Variants in TRDN observed in about 807,000 individuals in gnomAD.
TRDN encodes triadin in skeletal muscle.
TRDN carries 161 observed loss-of-function variants against 149.7 expected under a neutral mutation model. The ratio of observed to expected loss-of-function variants is 1.08; its 90% CI spans 0.95 to 1.23. The LOEUF (loss-of-function observed/expected upper bound fraction) is 1.23. Ranked by LOEUF, TRDN falls within the 50% of genes most tolerant of loss-of-function variation. TRDN has a pLI of 0.00. For missense variants in TRDN, 896 were observed against 823.5 expected, an observed-to-expected ratio of 1.09 and a Z score of -1.08; for synonymous variants, 294 against 250.5, an observed-to-expected ratio of 1.17 and a Z score of -1.64.
chr6:123,622,307 A>C (rs967502031), intron 1 of TRDN, among the ~76,000 whole-genome samples: 1 of 135,222 alleles, frequency 7.4e-6, no homozygotes, highest in Non-Finnish European at 1.5e-5. Flanking sequence ...CTCTCTCTAT[A>C]TATATATACA....
intron 21 of TRDN, chr6:123,350,301 A>T (rs1171742713): frequency 1.1e-6 from 1 of 948,886 alleles, no homozygotes; most frequent in African/African-American, 1.8e-5. Context: ...GAATATCCAT[A>T]GTATTTAAGT....
chr6:123,221,998 C>CT (rs1361782108), intron 39 of TRDN, among the ~76,000 whole-genome samples: 1 of 151,728 alleles, frequency 6.6e-6, no homozygotes, highest in African/African-American at 2.4e-5. Context: ...GCATTCTTCC[C>CT]TTTTCACGTC....
At chr6:123,590,394 A>G (rs958923844) in intron 1 of TRDN, among the ~76,000 whole-genome samples, 2 of 152,170 alleles carry the variant, frequency 1.3e-5, no homozygotes, top group African/African-American at 4.8e-5. Context: ...GTTACAGGGA[A>G]CACACTTCAG....
At chr6:123,509,722 A>C (rs1437288846) in intron 7 of TRDN, 2 of 152,166 alleles carry the variant, frequency 1.3e-5, no homozygotes, top group African/African-American at 4.8e-5. Flanking sequence ...AGAAACTGTG[A>C]GATAATAAAT....
chr6:123,346,778 T>C (rs916644634), intron 21 of TRDN, among the ~76,000 whole-genome samples: 6 of 151,944 alleles, frequency 3.9e-5, no homozygotes, highest in Non-Finnish European at 8.8e-5. Context: ...TAAGGAAGAT[T>C]GTGTGGAGTT....
intron 9 of TRDN, among the ~76,000 whole-genome samples, chr6:123,482,566 T>C (rs9482395): frequency 0.039 from 5,905 of 152,270 alleles, 332 homozygotes; most frequent in African/African-American, 0.12. Flanking sequence ...TAATATTCCT[T>C]TGGGAGAAAA....
intron 12 of TRDN, among the ~76,000 whole-genome samples, chr6:123,433,424 T>A (rs1408458247): frequency 6.6e-6 from 1 of 151,908 alleles, no homozygotes. Flanking sequence ...AACTGTAAGC[T>A]CCATTAGGGC....
At chr6:123,611,207 G>A (rs1784793435) in intron 1 of TRDN, among the ~76,000 whole-genome samples, 1 of 152,054 alleles carries the variant, frequency 6.6e-6, no homozygotes, top group Admixed American at 6.6e-5. Context: ...AAACCTCAAT[G>A]TATAAAAATA....
chr6:123,569,431 C>T (rs1782449423), intron 2 of TRDN, among the ~76,000 whole-genome samples: 1 of 152,174 alleles, frequency 6.6e-6, no homozygotes, highest in Non-Finnish European at 1.5e-5. Context: ...CAAGTTGCTT[C>T]CACATTTTCT....
intron 1 of TRDN, among the ~76,000 whole-genome samples, chr6:123,619,881 G>T (rs939752998): frequency 2.0e-5 from 3 of 152,120 alleles, no homozygotes; most frequent in Non-Finnish European, 4.4e-5. Flanking sequence ...GAACCCTGCA[G>T]GTCCAGAGAA....
At chr6:123,357,940 G>A (rs957789065) in intron 20 of TRDN, among the ~76,000 whole-genome samples, 11 of 152,162 alleles carry the variant, frequency 7.2e-5, no homozygotes, top group Non-Finnish European at 1.3e-4. Context: ...ATACAGAAAA[G>A]ATAACATTTC....
At chr6:123,260,241 G>A (rs926178421) in intron 34 of TRDN, among the ~76,000 whole-genome samples, 2 of 151,950 alleles carry the variant, frequency 1.3e-5, no homozygotes, top group African/African-American at 2.4e-5. Flanking sequence ...CTGGCATGAT[G>A]GATTCATAAG....
At chr6:123,467,296 A>G (rs186202780) in intron 9 of TRDN, among the ~76,000 whole-genome samples, 63 of 151,036 alleles carry the variant, frequency 4.2e-4, no homozygotes, top group African/African-American at 1.4e-3. Flanking sequence ...GAGGGATTCC[A>G]GGTGGAAGGT....
chr6:123,403,693 A>C (rs1053409951), intron 12 of TRDN, among the ~76,000 whole-genome samples: 13 of 152,178 alleles, frequency 8.5e-5, no homozygotes, highest in African/African-American at 3.1e-4. Context: ...TCCTAGAAGG[A>C]CAGTACTCTG....
intron 10 of TRDN, among the ~76,000 whole-genome samples, chr6:123,441,336 C>T (rs1314397266): frequency 6.6e-6 from 1 of 152,132 alleles, no homozygotes; most frequent in African/African-American, 2.4e-5. Context: ...AAAAAATTTC[C>T]TCTTCCATCT....
intron 38 of TRDN, among the ~76,000 whole-genome samples, chr6:123,238,538 G>A (rs916925002): frequency 6.6e-6 from 1 of 152,128 alleles, no homozygotes; most frequent in African/African-American, 2.4e-5. Context: ...TGATGAAGAA[G>A]CATTGAGAGA....
chr6:123,506,610 T>C (rs1431288016), intron 7 of TRDN, among the ~76,000 whole-genome samples: 1 of 152,092 alleles, frequency 6.6e-6, no homozygotes, highest in Non-Finnish European at 1.5e-5. Flanking sequence ...TGCATCAGCC[T>C]CCCGAGTAGC....
intron 1 of TRDN, among the ~76,000 whole-genome samples, chr6:123,579,563 TG>T (rs1346052366): frequency 2.6e-5 from 4 of 152,210 alleles, no homozygotes; most frequent in Non-Finnish European, 5.9e-5. Flanking sequence ...TGAGGATTTT[TG>T]CATCAATGTT....
chr6:123,537,594 G>A (rs1028924112), intron 4 of TRDN, among the ~76,000 whole-genome samples: 2 of 152,056 alleles, frequency 1.3e-5, no homozygotes, highest in Non-Finnish European at 2.9e-5. Context: ...GTTTAATTCT[G>A]TCAAAATGTT....
Sources: allele counts gnomAD v4.1 joint callset (sites outside exome capture counted in the v4.1 genomes callset), GRCh38; gene constraint gnomAD v4.1.1; transcripts MANE v1.5; gene names NCBI Gene and HGNC (gene_info 2026-07-23, HGNC 2026-07-21).